NOP16: variants seen among roughly 807,000 people sequenced by gnomAD.
NOP16 encodes the protein NOP16 nucleolar protein.
NOP16 carries 14 observed loss-of-function variants against 22.7 expected under a neutral mutation model. That is an observed-to-expected ratio of 0.62 (90% CI 0.41 to 0.97). The LOEUF is 0.97. Ranked by LOEUF, NOP16 falls within the 50% of genes least tolerant of loss-of-function variation. NOP16 has a pLI of 0.00. For missense variants in NOP16, 198 were observed against 235.9 expected, an observed-to-expected ratio of 0.84 and a Z score of 1.05; for synonymous variants, 80 against 83.6, an observed-to-expected ratio of 0.96 and a Z score of 0.23.
intron 2 of NOP16, 89 bp from the exon 3 acceptor site, chr5:176,386,998 A>AT: frequency 3.5e-6 from 4 of 1,137,050 alleles, no homozygotes; most frequent in Non-Finnish European, 4.0e-6. Flanking sequence ...CTACTAACCC[A>AT]TAAGAATCCC....
In NOP16 at chr5:176,388,469, CG is replaced by C; in HGVS notation, c.70del (p.Arg24GlyfsTer50). ...GYSVNRKRLN[R>X]NARRKAAPRI... The stretch of plus-strand genomic sequence containing the variant: ...CGGCGCTGCCTTCCGTCGAGCATTC[CG>C]GTTCAGACGCTTTCGGTTGACACTG... On this transcript the variant is annotated frameshift_variant, in exon 1 of 5. Transcript: ENST00000614830. LOFTEE classifies it high-confidence loss of function. 1 of 1,614,248 alleles carries C rather than the reference CG, an allele frequency of 6.2e-7. No homozygotes were observed. The highest frequency in any genetic ancestry group is 8.5e-7 in the Non-Finnish European group (1 of 1,180,050).
At chr5:176,384,412 G>A in intron 4 of NOP16, 38 bp from the exon 5 acceptor site, 1 of 1,580,944 alleles carries the variant, frequency 6.3e-7, no homozygotes, top group Non-Finnish European at 8.6e-7. Context: ...GGGCTAGACA[G>A]GCAAAGGCTC....
At chr5:176,388,135 C>A in intron 2 of NOP16, 100 bp downstream of exon 2, 1 of 882,258 alleles carries the variant, frequency 1.1e-6, no homozygotes, top group Non-Finnish European at 1.8e-6. Flanking sequence ...CTCGGAAGGG[C>A]CTGAGGGAAG....
chr5:176,387,128 G>A (rs1755921450), intron 2 of NOP16, among the ~76,000 whole-genome samples: 1 of 151,502 alleles, frequency 6.6e-6, no homozygotes, highest in South Asian at 2.1e-4. Context: ...CTGTTGCCCA[G>A]GTTCAAATGC....
At position 176,386,860 on chromosome 5, in the gene NOP16, C is replaced by T. The variant is rs1429153685; in HGVS notation, c.266G>A (p.Arg89Gln). ...CCCACCATTCAGCACATAGGGCTTC[C>T]GTACAAGCTCTTTAGGCCTCTCCTC... ...DIEERPKELVRKPYVLNDLEA... is the reference protein window; with the variant it reads ...DIEERPKELVQKPYVLNDLEA... The change falls in exon 3 of 5, where the codon CGG becomes CAG. Residue 89 changes from arginine (R) to glutamine (Q), a missense_variant. Physicochemically the swap from Arg to Gln is conservative, Grantham distance 43. Coordinates refer to ENST00000614830, the MANE Select transcript of NOP16 (RefSeq NM_016391.8). 1.2e-5 allele frequency: 20 copies of T among 1,613,948 alleles called. No individual in the cohort carries two copies. The highest frequency in any genetic ancestry group is 2.7e-5 in the African/African-American group (2 of 74,912).
intron 2 of NOP16, 128 bp from the exon 3 acceptor site, chr5:176,387,037 A>G: frequency 1.4e-6 from 1 of 723,780 alleles, no homozygotes; most frequent in Non-Finnish European, 2.4e-6. Flanking sequence ...AGTAGGTAAC[A>G]ATGAGAACTA....
rs1314670444 is a variant in NOP16, at chr5:176,384,312, G to C, written c.456C>G (p.Ile152Met). Residue 152 changes from isoleucine (I) to methionine (M), a missense_variant, in exon 5 of 5, where the codon ATC becomes ATG. Transcript: ENST00000614830. ...CTGGGTAAAAGCGTTTATAGACGTT[G>C]ATCTTACTCCGAATCTGTTTTGGGG... The part of the protein sequence containing the change: ...QDTPKQIRSK[I>M]NVYKRFYPAE... The C allele has an allele frequency of 6.2e-7, 1 of 1,614,240 alleles. No homozygotes were observed. Among genetic ancestry groups the C allele is most frequent in the Non-Finnish European group, 8.5e-7 (1 of 1,180,030 alleles).
Position 176,386,852 on chromosome 5 carries a change from A to G in NOP16, c.274T>C (p.Tyr92His). 1 of 1,614,002 alleles carries G rather than the reference A, an allele frequency of 6.2e-7. No individual in the cohort carries two copies. Among genetic ancestry groups the G allele is most frequent in the Non-Finnish European group, 8.5e-7 (1 of 1,179,872 alleles). The change falls in exon 3 of 5, where the codon TAT becomes CAT. Residue 92 changes from tyrosine to histidine, a missense_variant. Coordinates refer to ENST00000614830, the MANE Select transcript of NOP16 (RefSeq NM_016391.8). The part of the protein sequence containing the change: ...ERPKELVRKP[Y>H]VLNDLEAEAS... Reference sequence around the variant, plus strand: ...GGACCACACCCACCATTCAGCACATAGGGCTTCCGTACAAGCTCTTTAGGC... The same window carrying G: ...GGACCACACCCACCATTCAGCACATGGGGCTTCCGTACAAGCTCTTTAGGC...
At chr5:176,387,124 C>T (rs932941282) in intron 2 of NOP16, among the ~76,000 whole-genome samples, 20 of 151,610 alleles carry the variant, frequency 1.3e-4, no homozygotes, top group African/African-American at 4.6e-4. Flanking sequence ...CATTCTGTTG[C>T]CCAGGTTCAA....
In NOP16 at chr5:176,385,235, C is replaced by G. The variant is rs766126221; in HGVS notation, c.379G>C (p.Gly127Arg). The G allele has an allele frequency of 3.1e-6, 5 of 1,605,656 alleles. No individual in the cohort carries two copies. Among genetic ancestry groups the G allele is most frequent in the Non-Finnish European group, 4.3e-6 (5 of 1,172,236 alleles). The change falls in exon 4 of 5, where the codon GGG (glycine) becomes CGG (arginine). Residue 127 changes from glycine (G) to arginine (R), a missense_variant. Coordinates refer to ENST00000614830, the MANE Select transcript of NOP16 (RefSeq NM_016391.8). ...GAGCCGCTCACCTTATAGTCCTCCC[C>G]GTGGTTCTCTACCATGTAGCGTACA... The part of the protein sequence containing the change: ...DYVRYMVENH[G>R]EDYKAMARDE...
chr5:176,386,730 C>T (rs1260429519), intron 3 of NOP16, 110 bp downstream of exon 3: 2 of 925,292 alleles, frequency 2.2e-6, no homozygotes, highest in Admixed American at 3.4e-5. Context: ...GCTCACTTCT[C>T]CCCTCTGAAA....
chr5:176,384,491 CAA>C, intron 4 of NOP16, 117 bp from the exon 5 acceptor site: 1 of 1,038,180 alleles, frequency 9.6e-7, no homozygotes, highest in Non-Finnish European at 1.4e-6. Flanking sequence ...ATCCTGACCT[CAA>C]AGGCTGTGGT....
rs754403680 is a variant in NOP16, at chr5:176,384,230, G to T, written c.*1C>A. On this transcript the variant is annotated 3_prime_UTR_variant, in exon 5 of 5. Coordinates refer to ENST00000614830, the MANE Select transcript of NOP16 (RefSeq NM_016391.8). ...CCTGGGGCAGCTGTGATGTAAACCA[G>T]TCACTCCACCTCCATCTTCCTCTTC... 3.1e-6 allele frequency: 5 copies of T among 1,614,054 alleles called. No individual in the cohort carries two copies. The highest frequency in any genetic ancestry group is 4.2e-6 in the Non-Finnish European group (5 of 1,180,034).
intron 3 of NOP16, 118 bp from the exon 4 acceptor site, chr5:176,385,445 C>T (rs1183540252): frequency 8.2e-5 from 54 of 660,006 alleles, no homozygotes; most frequent in Non-Finnish European, 1.4e-4. Flanking sequence ...CACCAACCAC[C>T]TGGGGGTCTT....
At chr5:176,388,084 T>A in intron 2 of NOP16, 151 bp downstream of exon 2, 1 of 618,404 alleles carries the variant, frequency 1.6e-6, no homozygotes, top group Middle Eastern at 2.8e-4. Context: ...AGACCCTTGC[T>A]CAACGTCAGT....
chr5:176,388,522 G>A lies in NOP16; in HGVS notation c.18C>T (p.Gly6=), dbSNP rs1247616197. 3 of 1,612,598 alleles carry A rather than the reference G, an allele frequency of 1.9e-6. No individual in the cohort carries two copies. The highest frequency in any genetic ancestry group is 2.5e-6 in the Non-Finnish European group (3 of 1,178,776). ...AACCAAACTTCTGCCTCCGGGTTTT[G>A]CCCTTGGCCTTGGGCATCGCGCTGA... The part of the protein sequence containing the change: MPKAK[G]KTRRQKFGYS... Residue 6 remains glycine (G), a synonymous_variant, in exon 1 of 5, where the codon GGC becomes GGT. Coordinates refer to ENST00000614830, the MANE Select transcript of NOP16 (RefSeq NM_016391.8).
chr5:176,388,100 G>T (rs775227564), intron 2 of NOP16, 135 bp downstream of exon 2: 19 of 646,826 alleles, frequency 2.9e-5, no homozygotes, highest in Non-Finnish European at 5.2e-5. Context: ...TCAGTTGAGC[G>T]TTCTGACTGT....
At chr5:176,388,197 T>C in intron 2 of NOP16, 38 bp downstream of exon 2, 1 of 1,449,048 alleles carries the variant, frequency 6.9e-7, no homozygotes, top group South Asian at 1.2e-5. Context: ...GGGGGAAGAG[T>C]AAAGAAGACA....
intron 3 of NOP16, chr5:176,386,182 T>G (rs914577003): frequency 1.3e-5 from 2 of 156,146 alleles, no homozygotes; most frequent in African/African-American, 2.4e-5. Context: ...TTTAACCACA[T>G]TTTAAAATTT....
Sources: gnomAD v4.1 joint callset for allele counts (sites outside exome capture counted in the v4.1 genomes callset) on GRCh38, gnomAD v4.1.1 for gene constraint, MANE v1.5 for transcripts, NCBI Gene and HGNC (gene_info 2026-07-23, HGNC 2026-07-21) for gene names.